LIMA1: variants seen among roughly 807,000 people sequenced by gnomAD.
The protein encoded by LIMA1 is LIM domain and actin binding 1.
Under a neutral mutation model 62.6 loss-of-function variants are expected in LIMA1, and 52 were observed. The ratio of observed to expected loss-of-function variants is 0.83; its 90% confidence interval spans 0.67 to 1.05. LIMA1 has a LOEUF of 1.05. Ranked by LOEUF, LIMA1 falls within the 50% of genes least tolerant of loss-of-function variation. LIMA1 has a pLI of 0.00. For synonymous variants in LIMA1, 302 were observed against 317.8 expected (o/e 0.95, Z 0.53); for missense variants, 780 against 902.2 (o/e 0.86, Z 1.74).
Position 50,248,662 on chromosome 12 carries a change from C to T in LIMA1, c.90G>A (p.Lys30=), listed in dbSNP as rs1351043506. 2 of 1,612,890 alleles carry T rather than the reference C, an allele frequency of 1.2e-6. No individual in the cohort carries two copies. The highest frequency in any genetic ancestry group is 1.7e-4 in the Middle Eastern group (1 of 6,060). Residue 30 remains lysine, a synonymous_variant, in exon 2 of 11, where the codon AAG becomes AAA. Coordinates refer to ENST00000341247, the MANE Select transcript of LIMA1 (RefSeq NM_016357.5). ...AKELSLVNKN[K]SSAIVEIFSK... ...AGAATATTTCCACAATAGCCGATGA[C>T]TTGTTCTTGTTGACAAGAGAAAGTT...
Position 50,222,174 on chromosome 12 carries a change from T to C in LIMA1, c.477A>G (p.Lys159=). 1 of 1,614,236 alleles carries C rather than the reference T, an allele frequency of 6.2e-7. No individual in the cohort carries two copies. Residue 159 remains lysine (K), a synonymous_variant, in exon 4 of 11, where the codon AAA becomes AAG. Coordinates refer to ENST00000341247, the MANE Select transcript of LIMA1 (RefSeq NM_016357.5). Reference sequence around the variant, plus strand: ...ATTCTCCTAGACAATTTTCCATTTTTTTACTTTCTGTTGAGTGGTCTTTAA... The same window carrying C: ...ATTCTCCTAGACAATTTTCCATTTTCTTACTTTCTGTTGAGTGGTCTTTAA... ...EDLKDHSTES[K]KMENCLGESR... is the part of the protein sequence containing the mutation.
chr12:50,268,976 G>A (rs1169821455), intron 1 of LIMA1, among the ~76,000 whole-genome samples: 1 of 152,040 alleles, frequency 6.6e-6, no homozygotes, highest in Non-Finnish European at 1.5e-5. Flanking sequence ...TTAAAGGCTG[G>A]GCCAGATGCC....
chr12:50,194,590 G>A (rs1940887090), intron 8 of LIMA1, among the ~76,000 whole-genome samples: 1 of 151,938 alleles, frequency 6.6e-6, no homozygotes, highest in Admixed American at 6.6e-5. Context: ...GAGCCACTGC[G>A]CCTGGCCCAG....
At chr12:50,220,357 G>C (rs1480312334) in intron 4 of LIMA1, among the ~76,000 whole-genome samples, 1 of 152,122 alleles carries the variant, frequency 6.6e-6, no homozygotes, top group Non-Finnish European at 1.5e-5. Context: ...ACCACGCCCG[G>C]ACTAGTAAGA....
At chr12:50,195,424 G>T (rs12314033) in intron 8 of LIMA1, among the ~76,000 whole-genome samples, 159 of 152,124 alleles carry the variant, frequency 1.0e-3, no homozygotes, top group African/African-American at 3.4e-3. Flanking sequence ...GAAAAAATAT[G>T]TATCTTTAAC....
At chr12:50,249,352 C>T (rs566434884) in intron 1 of LIMA1, among the ~76,000 whole-genome samples, 2 of 152,022 alleles carry the variant, frequency 1.3e-5, no homozygotes, top group South Asian at 2.1e-4. Flanking sequence ...CTTTCTTCAG[C>T]TAAAAAATAA....
intron 2 of LIMA1, among the ~76,000 whole-genome samples, chr12:50,233,985 C>G (rs1253098766): frequency 6.6e-6 from 1 of 151,964 alleles, no homozygotes; most frequent in African/African-American, 2.4e-5. Context: ...CTTAGAGATG[C>G]AAAAATAGTG....
chr12:50,274,602 T>G (rs146872691), intron 1 of LIMA1, among the ~76,000 whole-genome samples: 1 of 150,952 alleles, frequency 6.6e-6, no homozygotes, highest in Non-Finnish European at 1.5e-5. Flanking sequence ...AAGACAGACA[T>G]GGTCTCTACT....
chr12:50,262,618 T>C (rs956571827), intron 1 of LIMA1, among the ~76,000 whole-genome samples: 1 of 139,672 alleles, frequency 7.2e-6, no homozygotes, highest in African/African-American at 2.9e-5. Flanking sequence ...TGCCAAAAAA[T>C]AAAGTAAAAT....
At chr12:50,237,973 A>C (rs1274327796) in intron 2 of LIMA1, among the ~76,000 whole-genome samples, 3 of 151,624 alleles carry the variant, frequency 2.0e-5, no homozygotes, top group African/African-American at 7.3e-5. Context: ...AAACTATAAA[A>C]CTCTTGGTTG....
intron 4 of LIMA1, among the ~76,000 whole-genome samples, chr12:50,212,390 G>C (rs1269753523): frequency 6.6e-6 from 1 of 152,130 alleles, no homozygotes; most frequent in Non-Finnish European, 1.5e-5. Flanking sequence ...GCTGAACTAT[G>C]CATGGAAATC....
rs1332419506 is a variant in LIMA1, at chr12:50,176,980, C to T, written c.*84G>A. ...TAAATTACATTTCATGCTGGGATAC[C>T]TGCTTATGTGCATCACATTTTGACA... On this transcript the variant is annotated 3_prime_UTR_variant, in exon 11 of 11. Transcript: ENST00000341247. 1 of 1,037,432 alleles carries T rather than the reference C, an allele frequency of 9.6e-7. No homozygotes were observed. The highest frequency in any genetic ancestry group is 1.3e-6 in the Non-Finnish European group (1 of 750,104). The allele number at this position is 1,037,432 out of a possible 1,614,324, so 64.3% of individuals were successfully genotyped here. A position where few individuals can be genotyped will look rare whatever the true frequency, so the allele number is the denominator to read the frequency against.
intron 9 of LIMA1, among the ~76,000 whole-genome samples, chr12:50,182,358 C>A (rs1289496628): frequency 9.8e-6 from 1 of 102,350 alleles, no homozygotes; most frequent in Non-Finnish European, 2.1e-5. Context: ...GGGAAGGGGT[C>A]GGGGGGGGGA....
rs899873740 is a variant in LIMA1 at position 50,270,714 on chromosome 12, T to C, written c.-24+12706A>G. Among the ~76,000 whole-genome samples the C allele has an allele frequency of 3.3e-5, 5 of 152,116 alleles. No individual in the cohort carries two copies. In the South Asian group the frequency reaches 1.0e-3, roughly 31 times the overall value. The stretch of plus-strand genomic sequence containing the variant: ...TCATTTGTGTGAATATCTTATCTTC[T>C]TGTGCTTATGAACCCCAAATTAGTT... On this transcript the variant is annotated intron_variant, in intron 1 of 10. Transcript: ENST00000341247.
chr12:50,222,534 T>A (rs949576640), intron 3 of LIMA1, 49 bp from the exon 4 acceptor site: 19 of 1,612,124 alleles, frequency 1.2e-5, no homozygotes, highest in Non-Finnish European at 1.5e-5. Flanking sequence ...TGCTGAAACA[T>A]TCAAACATGT....
rs147656066 is a variant in LIMA1, at chr12:50,246,668, G to A, written c.119+1965C>T. On this transcript the variant is annotated intron_variant, in intron 2 of 10. Transcript: ENST00000341247. ...AAATCCTAACCTTAGCAGAGCATCC[G>A]AGGTCTTCCATCTGGCCCTAAATGA... 1.1e-3 allele frequency among the ~76,000 whole-genome samples: 161 copies of A among 152,206 alleles called. 1 individual carries two copies. Among genetic ancestry groups the A allele is most frequent in the African/African-American group, 2.9e-3 (119 of 41,536 alleles).
intron 1 of LIMA1, among the ~76,000 whole-genome samples, chr12:50,249,005 G>A (rs1356448439): frequency 6.6e-6 from 1 of 152,200 alleles, no homozygotes; most frequent in Non-Finnish European, 1.5e-5. Context: ...TTTTATGACT[G>A]ACCCCACTGT....
intron 8 of LIMA1, among the ~76,000 whole-genome samples, chr12:50,194,345 G>A (rs1262814860): frequency 6.6e-6 from 1 of 150,746 alleles, no homozygotes; most frequent in Non-Finnish European, 1.5e-5. Context: ...AGCCCAGGCT[G>A]GAGTGCGATG....
chr12:50,248,531 A>G (rs3815671), intron 2 of LIMA1, 102 bp downstream of exon 2: 211,402 of 752,070 alleles, frequency 0.28, 34,742 homozygotes, highest in East Asian at 0.67. Flanking sequence ...GAGGCGCCCA[A>G]TAAAATTATT....
Sources: gnomAD v4.1 joint callset for allele counts (sites outside exome capture counted in the v4.1 genomes callset) on GRCh38, gnomAD v4.1.1 for gene constraint, MANE v1.5 for transcripts, NCBI Gene and HGNC (gene_info 2026-07-23, HGNC 2026-07-21) for gene names.